CNTN1: variants seen among roughly 807,000 people sequenced by gnomAD.
CNTN1 encodes the protein contactin 1.
Under a neutral mutation model 126.4 loss-of-function variants are expected in CNTN1, and 38 were observed. That is an observed-to-expected ratio of 0.30 (90% CI 0.23 to 0.39). The LOEUF (loss-of-function observed/expected upper bound fraction) is 0.39. Among genes scored for constraint, CNTN1 ranks in the 10% least tolerant of loss-of-function variants. The probability of loss-of-function intolerance (pLI) is 1.00; values close to 1 mark genes in which losing one functional copy is unlikely to be tolerated. For missense variants in CNTN1, 1,009 were observed against 1,248.4 expected, an observed-to-expected ratio of 0.81 and a Z score of 2.89; for synonymous variants, 413 against 422.6, an observed-to-expected ratio of 0.98 and a Z score of 0.28.
At chr12:40,946,076 C>G (rs1946425247) in intron 14 of CNTN1, among the ~76,000 whole-genome samples, 1 of 152,088 alleles carries the variant, frequency 6.6e-6, no homozygotes. Flanking sequence ...TTTTAAAAAG[C>G]CTGGATAAGA....
At chr12:40,946,380 T>C (rs1430041966) in intron 14 of CNTN1, among the ~76,000 whole-genome samples, 1 of 152,130 alleles carries the variant, frequency 6.6e-6, no homozygotes, top group Non-Finnish European at 1.5e-5. Flanking sequence ...TAAATAATGA[T>C]TTGGTATTTT....
At chr12:41,014,413 G>C in intron 18 of CNTN1, 115 bp downstream of exon 18, 1 of 1,025,962 alleles carries the variant, frequency 9.7e-7, no homozygotes, top group South Asian at 1.4e-5. Flanking sequence ...GCACAAGCAA[G>C]AATATATTAC....
intron 1 of CNTN1, among the ~76,000 whole-genome samples, chr12:40,889,341 T>C (rs897668608): frequency 4.6e-5 from 7 of 152,216 alleles, no homozygotes; most frequent in African/African-American, 1.7e-4. Flanking sequence ...TGGTCCAGTT[T>C]GAATGGAATT....
chr12:40,926,193 A>T (rs1945684796), intron 6 of CNTN1, among the ~76,000 whole-genome samples: 1 of 151,658 alleles, frequency 6.6e-6, no homozygotes, highest in Non-Finnish European at 1.5e-5. Flanking sequence ...AGATAGATAG[A>T]TAGATAGATA....
At position 40,854,437 on chromosome 12, in the gene CNTN1, A is replaced by G. The variant is rs535380374; in HGVS notation, c.-76-53920A>G. 3.9e-5 allele frequency among the ~76,000 whole-genome samples: 6 copies of G among 152,220 alleles called. No individual in the cohort carries two copies. The East Asian group carries it at 7.7e-4, about 20-fold the overall frequency. The stretch of plus-strand genomic sequence containing the variant: ...CTCATATTTAGTTTCATCTCATCTC[A>G]TATTTCTAGATTTAAAAGTTTGGTC... On this transcript the variant is annotated intron_variant, in intron 1 of 23. Coordinates refer to ENST00000551295, the MANE Select transcript of CNTN1 (RefSeq NM_001843.4).
intron 23 of CNTN1, among the ~76,000 whole-genome samples, chr12:41,044,864 T>C (rs1298957177): frequency 6.6e-6 from 1 of 152,072 alleles, no homozygotes; most frequent in African/African-American, 2.4e-5. Flanking sequence ...ATTAGCAAAA[T>C]TTTAATTTTA....
At chr12:41,042,504 G>T (rs1208590804) in intron 23 of CNTN1, among the ~76,000 whole-genome samples, 1 of 152,048 alleles carries the variant, frequency 6.6e-6, no homozygotes, top group Non-Finnish European at 1.5e-5. Context: ...TCTGTCTAAT[G>T]TTGACAGTGG....
intron 1 of CNTN1, among the ~76,000 whole-genome samples, chr12:40,739,649 A>C (rs182524757): frequency 5.0e-4 from 76 of 152,168 alleles, no homozygotes; most frequent in African/African-American, 1.8e-3. Flanking sequence ...CATATCTGTA[A>C]TGTTTTATTT....
At chr12:40,828,971 T>C (rs547145113) in intron 1 of CNTN1, among the ~76,000 whole-genome samples, 1 of 152,162 alleles carries the variant, frequency 6.6e-6, no homozygotes, top group African/African-American at 2.4e-5. Flanking sequence ...AGAGTTTTAT[T>C]TCTTGTTTTT....
At chr12:40,856,100 G>A (rs1942897041) in intron 1 of CNTN1, among the ~76,000 whole-genome samples, 2 of 152,032 alleles carry the variant, frequency 1.3e-5, no homozygotes, top group Non-Finnish European at 2.9e-5. Context: ...TAGGAAAGAG[G>A]GAGCTGGAAA....
chr12:40,781,456 G>A (rs188490404), intron 1 of CNTN1, among the ~76,000 whole-genome samples: 197 of 152,024 alleles, frequency 1.3e-3, no homozygotes, highest in African/African-American at 4.5e-3. Flanking sequence ...AGAGATTCCT[G>A]GGTGAACTTT....
intron 23 of CNTN1, among the ~76,000 whole-genome samples, chr12:41,067,614 T>G: frequency 4.4e-5 from 2 of 45,452 alleles, no homozygotes; most frequent in African/African-American, 9.2e-5. Flanking sequence ...CTGGGGACTG[T>G]GGTGGGGTGG....
At position 40,936,798 on chromosome 12, in the gene CNTN1, GA is replaced by G; in HGVS notation, c.1005del (p.Glu335AspfsTer10). The G allele has an allele frequency of 6.2e-7, 1 of 1,613,232 alleles. No homozygotes were observed. Among genetic ancestry groups the G allele is most frequent in the East Asian group, 2.2e-5 (1 of 44,850 alleles). On this transcript the variant is annotated frameshift_variant, in exon 10 of 24. Coordinates refer to ENST00000551295, the MANE Select transcript of CNTN1 (RefSeq NM_001843.4). LOFTEE classifies it high-confidence loss of function. ...IYVQAFPEWV[E>X]HINDTEVDIG... ...CTTTTTAGCATTCCCTGAGTGGGTA[GA>G]ACACATCAATGACACAGAGGTGGAC...
At chr12:40,963,306 G>A (rs1472004024) in intron 15 of CNTN1, among the ~76,000 whole-genome samples, 4 of 151,948 alleles carry the variant, frequency 2.6e-5, no homozygotes, top group Non-Finnish European at 2.9e-5. Context: ...TGCTTGATAT[G>A]ATGACATTTA....
chr12:41,068,405 T>C (rs1471979779), intron 23 of CNTN1, among the ~76,000 whole-genome samples: 1 of 152,160 alleles, frequency 6.6e-6, no homozygotes, highest in Admixed American at 6.5e-5. Context: ...GAGGGCTGTT[T>C]ATATTCCCCT....
intron 1 of CNTN1, among the ~76,000 whole-genome samples, chr12:40,718,256 C>T (rs1942098587): frequency 1.3e-5 from 2 of 152,168 alleles, no homozygotes; most frequent in Non-Finnish European, 2.9e-5. Flanking sequence ...GCAACCTCCA[C>T]CTCCCAGGTT....
intron 1 of CNTN1, among the ~76,000 whole-genome samples, chr12:40,766,789 C>A (rs568059418): frequency 6.6e-6 from 1 of 152,164 alleles, no homozygotes; most frequent in East Asian, 1.9e-4. Flanking sequence ...ACCTGGAGAC[C>A]AATCAGTTGG....
chr12:41,021,047 T>C (rs1948895904), intron 20 of CNTN1, among the ~76,000 whole-genome samples: 1 of 152,204 alleles, frequency 6.6e-6, no homozygotes, highest in Admixed American at 6.5e-5. Flanking sequence ...TTAGGGTCTT[T>C]AATACAATGC....
At chr12:40,767,902 C>G (rs1189938527) in intron 1 of CNTN1, among the ~76,000 whole-genome samples, 4 of 152,030 alleles carry the variant, frequency 2.6e-5, no homozygotes, top group African/African-American at 9.7e-5. Context: ...ATTAATGTTT[C>G]TTTAATACTT....
Sources: allele counts gnomAD v4.1 joint callset (sites outside exome capture counted in the v4.1 genomes callset), GRCh38; gene constraint gnomAD v4.1.1; transcripts MANE v1.5; gene names NCBI Gene and HGNC (gene_info 2026-07-23, HGNC 2026-07-21).